Variants in ZNF560 observed in about 807,000 individuals in gnomAD.
ZNF560 encodes zinc finger protein 560.
A neutral mutation model predicts 81.8 loss-of-function variants in ZNF560; 54 were observed. That is an observed-to-expected ratio of 0.66 (90% CI 0.53 to 0.83). ZNF560 has a LOEUF of 0.83. ZNF560 is among the 40% of genes least tolerant of loss of function. The pLI is 0.00. For synonymous variants in ZNF560, 321 were observed against 317.9 expected (o/e 1.01, Z -0.10); for missense variants, 940 against 932.4 (o/e 1.01, Z -0.11).
At chr19:9,492,269 G>C (rs888255381) in intron 2 of ZNF560, among the ~76,000 whole-genome samples, 1 of 152,124 alleles carries the variant, frequency 6.6e-6, no homozygotes, top group Admixed American at 6.5e-5. Flanking sequence ...GGAGCCAGCT[G>C]GTGGCAAGAT....
rs777098947 is a variant in ZNF560, at chr19:9,466,756, CAT to C, written c.2189_2190del (p.His730ArgfsTer11). On this transcript the variant is annotated frameshift_variant, in exon 10 of 10. Coordinates refer to ENST00000301480, the MANE Select transcript of ZNF560 (RefSeq NM_152476.3). LOFTEE classifies it high-confidence loss of function. ...GGCTTCTCTCCAGTGTGAATTCGCA[CAT>C]GATTAGTAAGATCTGAATGACAAGT... ...AFTCHSDLTN[H>X]VRIHTGEKPY... 98 of 1,613,712 alleles carry C rather than the reference CAT, an allele frequency of 6.1e-5. No individual in the cohort carries two copies. Among genetic ancestry groups the C allele is most frequent in the Non-Finnish European group, 8.1e-5 (96 of 1,179,914 alleles).
chr19:9,448,749 G>A, the ZNF560 span, among the ~76,000 whole-genome samples: 2 of 152,108 alleles, frequency 1.3e-5, no homozygotes, highest in Non-Finnish European at 2.9e-5. Context: ...AAGGGACAGA[G>A]TGGCAATCTG....
rs747835689 is a variant in ZNF560, at chr19:9,467,529, G to A, written c.1418C>T (p.Ser473Leu). 6 of 1,613,990 alleles carry A rather than the reference G, an allele frequency of 3.7e-6. No individual in the cohort carries two copies. Among genetic ancestry groups the A allele is most frequent in the Non-Finnish European group, 5.1e-6 (6 of 1,180,018 alleles). Residue 473 changes from serine to leucine, a missense_variant, in exon 10 of 10, where the codon TCA becomes TTA. Ser to Leu is a moderately radical substitution (Grantham distance 145). Coordinates refer to ENST00000301480, the MANE Select transcript of ZNF560 (RefSeq NM_152476.3). The part of the protein sequence containing the change: ...KEYGKAFGTS[S>L]GVIEDRRSNT... Reference sequence around the variant, plus strand: ...ACTTCTTCTATCTTCAATAACACCTGAGGATGTACCAAAGGCCTTCCCATA... The same window carrying A: ...ACTTCTTCTATCTTCAATAACACCTAAGGATGTACCAAAGGCCTTCCCATA...
At chr19:9,456,571 C>G in the ZNF560 span, among the ~76,000 whole-genome samples, 87,350 of 151,924 alleles carry the variant, frequency 0.57, 25,916 homozygotes, top group African/African-American at 0.71. Flanking sequence ...AACTATTCAG[C>G]GAAAGAAATT....
chr19:9,491,825 C>CA (rs1337657281), intron 2 of ZNF560, among the ~76,000 whole-genome samples: 814 of 28,508 alleles, frequency 0.029, 35 homozygotes, highest in Middle Eastern at 0.037. Flanking sequence ...GACTCCGTCT[C>CA]AAAAAAAAAA....
At chr19:9,470,176 G>A (rs1199996035) in intron 7 of ZNF560, among the ~76,000 whole-genome samples, 1 of 152,102 alleles carries the variant, frequency 6.6e-6, no homozygotes, top group Non-Finnish European at 1.5e-5. Flanking sequence ...AGACAGTGAT[G>A]GTGATGCTAC....
At position 9,470,434 on chromosome 19, in the gene ZNF560, T is replaced by C. The variant is rs777380806; in HGVS notation, c.406A>G (p.Ser136Gly). Residue 136 changes from serine (S) to glycine (G), a missense_variant, in exon 7 of 10, where the codon AGT becomes GGT. Physicochemically the swap from Ser to Gly is moderately conservative, Grantham distance 56. Transcript: ENST00000301480. ...LLDPAQRNLY[S>G]DVMLENYKNL... ...TTGTAGTTCTCCAGCATCACATCAC[T>C]GTACAGGTTTCTCTGAGCTGGGTCC... is the stretch of plus-strand genomic sequence containing the variant. 12 of 1,614,014 alleles carry C rather than the reference T, an allele frequency of 7.4e-6. No individual in the cohort carries two copies. The Admixed American group carries it at 2.0e-4, about 27-fold the overall frequency.
rs935566161 is a variant in ZNF560 at position 9,467,010 on chromosome 19, T to C, written c.1937A>G (p.His646Arg). The C allele has an allele frequency of 6.2e-7, 1 of 1,613,988 alleles. No individual in the cohort carries two copies. The highest frequency in any genetic ancestry group is 8.5e-7 in the Non-Finnish European group (1 of 1,180,038). Residue 646 changes from histidine to arginine, a missense_variant, in exon 10 of 10, where the codon CAT (histidine) becomes CGT (arginine). By Grantham distance (29) the His-to-Arg change is conservative. Transcript: ENST00000301480. ...AFVVSSSLVD[H>R]LRTHTGYKPY... is the part of the protein sequence containing the mutation. ...TTTATATCCAGTGTGAGTTCTTAAA[T>C]GATCAACTAGACTGGAGGAGACAAC...
At chr19:9,501,736 C>A (rs1042752769), upstream of ZNF560, among the ~76,000 whole-genome samples, 1 of 151,874 alleles carries the variant, frequency 6.6e-6, no homozygotes, top group Non-Finnish European at 1.5e-5. Context: ...TAAGCTCAAG[C>A]AATCTGACCA....
intron 2 of ZNF560, among the ~76,000 whole-genome samples, chr19:9,480,825 C>T (rs2073276114): frequency 6.6e-6 from 1 of 152,078 alleles, no homozygotes; most frequent in Admixed American, 6.6e-5. Context: ...GTGGCTCACA[C>T]CTGTAATCTC....
chr19:9,446,783 T>C, the ZNF560 span, among the ~76,000 whole-genome samples: 4 of 152,142 alleles, frequency 2.6e-5, no homozygotes. Flanking sequence ...TATAGAGATA[T>C]CTAGAGATAT....
At chr19:9,494,735 TCAAAA>T (rs1179440808) in intron 2 of ZNF560, among the ~76,000 whole-genome samples, 1 of 146,496 alleles carries the variant, frequency 6.8e-6, no homozygotes, top group African/African-American at 2.5e-5. Context: ...AAACTCCGTC[TCAAAA>T]CAAAACAAAA....
At chr19:9,452,018 G>A in the ZNF560 span, among the ~76,000 whole-genome samples, 1 of 152,106 alleles carries the variant, frequency 6.6e-6, no homozygotes, top group Non-Finnish European at 1.5e-5. Flanking sequence ...GGAGGTTGCA[G>A]TGAGCTGAGA....
At chr19:9,469,384 G>A (rs1010019676) in intron 8 of ZNF560, among the ~76,000 whole-genome samples, 197 bp from the exon 9 acceptor site, 2 of 152,130 alleles carry the variant, frequency 1.3e-5, no homozygotes, top group African/African-American at 4.8e-5. Flanking sequence ...ACCAGGGAAG[G>A]AAAAGTCGGA....
the ZNF560 span, among the ~76,000 whole-genome samples, chr19:9,504,181 C>G: frequency 1.3e-5 from 2 of 152,148 alleles, no homozygotes; most frequent in African/African-American, 4.8e-5. Flanking sequence ...CACCTGTAAT[C>G]CCAGCATTTT....
chr19:9,477,687 C>T (rs2073224245), intron 2 of ZNF560, among the ~76,000 whole-genome samples: 1 of 152,100 alleles, frequency 6.6e-6, no homozygotes, highest in Admixed American at 6.6e-5. Context: ...CAGAAAATCA[C>T]CTTTTATTAT....
chr19:9,495,756 T>G (rs1165666772), intron 2 of ZNF560, among the ~76,000 whole-genome samples: 1 of 152,116 alleles, frequency 6.6e-6, no homozygotes, highest in Admixed American at 6.6e-5. Context: ...AACACTATAC[T>G]TCTGAAAATA....
chr19:9,502,404 G>T (rs145720184), upstream of ZNF560, among the ~76,000 whole-genome samples: 15,871 of 151,850 alleles, frequency 0.1, 980 homozygotes, highest in South Asian at 0.2. Flanking sequence ...TAGAGATGGG[G>T]TTTCACCATG....
chr19:9,476,810 G>A (rs1465184591), intron 2 of ZNF560, among the ~76,000 whole-genome samples: 1 of 152,090 alleles, frequency 6.6e-6, no homozygotes, highest in Non-Finnish European at 1.5e-5. Flanking sequence ...TTTTTTCATA[G>A]CAGTGAGAAC....
Sources: allele counts gnomAD v4.1 joint callset (sites outside exome capture counted in the v4.1 genomes callset), GRCh38; gene constraint gnomAD v4.1.1; transcripts MANE v1.5; gene names NCBI Gene and HGNC (gene_info 2026-07-23, HGNC 2026-07-21).